TMEM45A: variants seen among roughly 807,000 people sequenced by gnomAD.
TMEM45A encodes the protein transmembrane protein 45A, also known as DNA polymerase-transactivated protein 4.
A neutral mutation model predicts 32.0 loss-of-function variants in TMEM45A; 25 were observed. The ratio of observed to expected loss-of-function variants is 0.78; its 90% confidence interval spans 0.57 to 1.09. The LOEUF (loss-of-function observed/expected upper bound fraction) is 1.09, where lower values mean the gene tolerates loss of function less well. TMEM45A is among the 50% of genes least tolerant of loss of function. The pLI is 0.00. For missense variants in TMEM45A, 302 were observed against 325.0 expected, an observed-to-expected ratio of 0.93 and a Z score of 0.54; for synonymous variants, 122 against 114.8, an observed-to-expected ratio of 1.06 and a Z score of -0.40.
intron 5 of TMEM45A, chr3:100,571,749 CT>C (rs1439044226): frequency 6.6e-6 from 1 of 152,126 alleles, no homozygotes; most frequent in African/African-American, 2.4e-5. Context: ...TCCCTCCCCC[CT>C]ATCGACACCC....
intron 1 of TMEM45A, among the ~76,000 whole-genome samples, chr3:100,532,085 A>G (rs996538680): frequency 6.6e-6 from 1 of 152,186 alleles, no homozygotes; most frequent in African/African-American, 2.4e-5. Flanking sequence ...CTTTCATAGG[A>G]CTATTAGCAA....
chr3:100,539,455 G>GCA (rs1350220627), intron 1 of TMEM45A, among the ~76,000 whole-genome samples: 2,006 of 123,426 alleles, frequency 0.016, 68 homozygotes, highest in Admixed American at 0.026. Context: ...ATATGTATAT[G>GCA]TATATGTATA....
At chr3:100,516,345 T>G (rs947358436) in intron 1 of TMEM45A, among the ~76,000 whole-genome samples, 1 of 152,200 alleles carries the variant, frequency 6.6e-6, no homozygotes, top group African/African-American at 2.4e-5. Flanking sequence ...GCTTCATACA[T>G]AGTGACTTAT....
intron 1 of TMEM45A, chr3:100,519,221 G>C (rs1705375347): frequency 3.5e-6 from 1 of 283,164 alleles, no homozygotes; most frequent in Non-Finnish European, 6.7e-6. Flanking sequence ...AAATCTACTT[G>C]AGCATTAAGC....
chr3:100,560,203 C>T (rs1385341527), intron 4 of TMEM45A, among the ~76,000 whole-genome samples: 1 of 149,076 alleles, frequency 6.7e-6, no homozygotes, highest in Non-Finnish European at 1.5e-5. Context: ...TTGTCCATTT[C>T]TTCTTATGTT....
chr3:100,555,132 T>C (rs1346318315), intron 1 of TMEM45A, 77 bp from the exon 2 acceptor site: 2 of 1,305,664 alleles, frequency 1.5e-6, no homozygotes, highest in Non-Finnish European at 2.1e-6. Flanking sequence ...CAGTGTACTT[T>C]ATGGAAACAA....
chr3:100,511,019 G>A lies in TMEM45A; in HGVS notation c.-4+18091G>A, dbSNP rs1576260957. Among the ~76,000 whole-genome samples, 3 of 152,168 alleles carry A rather than the reference G, an allele frequency of 2.0e-5. No individual in the cohort carries two copies. In the South Asian group the frequency reaches 6.2e-4, roughly 32 times the overall value. On this transcript the variant is annotated intron_variant, in intron 1 of 5. Transcript: ENST00000323523. ...TGATTGGTGTACCTGAAAGTGACAG[G>A]GAGAATGGAACCAAGTTGGAAAACA...
chr3:100,558,795 A>T (rs1173460535), intron 4 of TMEM45A, among the ~76,000 whole-genome samples: 1 of 152,204 alleles, frequency 6.6e-6, no homozygotes, highest in Non-Finnish European at 1.5e-5. Flanking sequence ...GTGCGTGCAC[A>T]TCTTCATCAC....
At chr3:100,572,052 G>A (rs1416914283) in intron 5 of TMEM45A, 2 of 152,256 alleles carry the variant, frequency 1.3e-5, no homozygotes, top group East Asian at 1.9e-4. Flanking sequence ...TAGTGCCACA[G>A]TAAACATACA....
At chr3:100,525,894 C>T (rs1160050833) in intron 1 of TMEM45A, among the ~76,000 whole-genome samples, 1 of 152,172 alleles carries the variant, frequency 6.6e-6, no homozygotes, top group Non-Finnish European at 1.5e-5. Flanking sequence ...TTCTCTCTGC[C>T]TCTGAAGCGT....
intron 1 of TMEM45A, among the ~76,000 whole-genome samples, chr3:100,509,899 C>T (rs540740905): frequency 9.8e-4 from 149 of 152,292 alleles, no homozygotes; most frequent in African/African-American, 3.2e-3. Flanking sequence ...CCGAATACTG[C>T]GCTTTTCCAA....
chr3:100,506,894 A>T (rs766665036), intron 1 of TMEM45A, among the ~76,000 whole-genome samples: 3 of 152,222 alleles, frequency 2.0e-5, no homozygotes, highest in Non-Finnish European at 4.4e-5. Flanking sequence ...AGCTAAGCCA[A>T]GTTCTAGAAC....
intron 1 of TMEM45A, among the ~76,000 whole-genome samples, chr3:100,524,414 C>T (rs1040727117): frequency 3.9e-5 from 6 of 152,072 alleles, no homozygotes; most frequent in African/African-American, 1.4e-4. Context: ...CTTTTTCCTT[C>T]CCATGTATCT....
chr3:100,500,441 C>T (rs1299787195), intron 1 of TMEM45A, among the ~76,000 whole-genome samples: 8 of 152,280 alleles, frequency 5.3e-5, no homozygotes, highest in East Asian at 3.9e-4. Context: ...TTCTATAACA[C>T]GTAACAGTGG....
chr3:100,530,059 A>G (rs1054177124), intron 1 of TMEM45A, among the ~76,000 whole-genome samples: 12 of 152,322 alleles, frequency 7.9e-5, no homozygotes, highest in African/African-American at 2.4e-4. Flanking sequence ...AATTTCAAGT[A>G]TATATAAAAA....
At chr3:100,510,341 A>G (rs1389411503) in intron 1 of TMEM45A, among the ~76,000 whole-genome samples, 2 of 151,956 alleles carry the variant, frequency 1.3e-5, no homozygotes, top group Admixed American at 1.3e-4. Flanking sequence ...ACTGGGAGGC[A>G]CCCCCCAGCA....
intron 1 of TMEM45A, among the ~76,000 whole-genome samples, chr3:100,535,911 T>A (rs1426047455): frequency 6.6e-6 from 1 of 152,180 alleles, no homozygotes; most frequent in East Asian, 1.9e-4. Context: ...AACAGCTAAG[T>A]TTGTTACATT....
At chr3:100,552,683 T>G (rs12635025) in intron 1 of TMEM45A, among the ~76,000 whole-genome samples, 63,656 of 151,620 alleles carry the variant, frequency 0.42, 13,472 homozygotes, top group Middle Eastern at 0.48. Context: ...TTTGGGGTAT[T>G]TTGAGTGTGA....
chr3:100,566,542 T>C (rs1169002311), intron 4 of TMEM45A, among the ~76,000 whole-genome samples: 1 of 152,166 alleles, frequency 6.6e-6, no homozygotes, highest in Non-Finnish European at 1.5e-5. Flanking sequence ...TTTGAGGATA[T>C]ATTATTATCC....
Sources: allele counts gnomAD v4.1 joint callset (sites outside exome capture counted in the v4.1 genomes callset), GRCh38; gene constraint gnomAD v4.1.1; transcripts MANE v1.5; gene names NCBI Gene and HGNC (gene_info 2026-07-23, HGNC 2026-07-21).